CELF2: variants seen among roughly 807,000 people sequenced by gnomAD.
The protein encoded by CELF2 is CUGBP Elav-like family member 2.
A neutral mutation model predicts 62.6 loss-of-function variants in CELF2; 8 were observed. The ratio of observed to expected loss-of-function variants is 0.13; its 90% CI spans 0.07 to 0.23. The LOEUF (loss-of-function observed/expected upper bound fraction) is 0.23. CELF2 is among the 10% of genes least tolerant of loss of function. The probability of loss-of-function intolerance (pLI) is 1.00; values close to 1 mark genes in which losing one functional copy is unlikely to be tolerated. For missense variants in CELF2, 333 were observed against 671.0 expected (o/e 0.50, Z 5.56); for synonymous variants, 258 against 250.0 (o/e 1.03, Z -0.30).
chr10:10,648,978 T>C, the CELF2 span, among the ~76,000 whole-genome samples: 3 of 152,224 alleles, frequency 2.0e-5, no homozygotes, highest in African/African-American at 7.2e-5. Context: ...AAATGTTATG[T>C]GTTGCTCACC....
At chr10:11,279,795 C>T (rs537273802) in intron 8 of CELF2, among the ~76,000 whole-genome samples, 17 of 152,244 alleles carry the variant, frequency 1.1e-4, no homozygotes, top group South Asian at 6.2e-4. Context: ...CTGTTTGGTA[C>T]ATAATTTCTT....
chr10:10,744,152 C>T, the CELF2 span, among the ~76,000 whole-genome samples: 18 of 152,108 alleles, frequency 1.2e-4, no homozygotes, highest in East Asian at 1.9e-3. Context: ...CCCATGTATA[C>T]GAGTGCCAGT....
Position 11,242,232 on chromosome 10 carries a change from A to T in CELF2, c.355-6921A>T, listed in dbSNP as rs1216919518. Among the ~76,000 whole-genome samples the T allele has an allele frequency of 1.3e-5, 2 of 152,226 alleles. No homozygotes were observed. Among genetic ancestry groups the T allele is most frequent in the African/African-American group, 2.4e-5 (1 of 41,452 alleles). On this transcript the variant is annotated intron_variant, in intron 3 of 12. Coordinates refer to ENST00000633077, the MANE Select transcript of CELF2 (RefSeq NM_001326342.2). This position sits in a 1 kb window ranked among gnomAD's most constrained non-coding sequence, Gnocchi z 4.8. ...ACTCTGTAAAAACCCATTTCAGGTT[A>T]AAAATGGCATGTTTTATTGAATCTC...
chr10:11,142,500 C>T (rs2061516134), intron 1 of CELF2, among the ~76,000 whole-genome samples: 1 of 151,844 alleles, frequency 6.6e-6, no homozygotes, highest in African/African-American at 2.4e-5. Flanking sequence ...CTGGCTAACA[C>T]AGTGAAACCC....
the CELF2 span, among the ~76,000 whole-genome samples, chr10:10,465,972 GTGAGTATATGT>G: frequency 6.6e-6 from 1 of 152,132 alleles, no homozygotes; most frequent in Non-Finnish European, 1.5e-5. Context: ...CAACAGAATA[GTGAGTATATGT>G]TGAGAATGCT....
the CELF2 span, among the ~76,000 whole-genome samples, chr10:10,783,525 A>T: frequency 2.0e-5 from 3 of 152,214 alleles, no homozygotes; most frequent in African/African-American, 7.2e-5. Flanking sequence ...CAGAAGTATG[A>T]GACAATAAAA....
the CELF2 span, among the ~76,000 whole-genome samples, chr10:10,682,919 A>G: frequency 6.6e-6 from 1 of 152,140 alleles, no homozygotes; most frequent in Non-Finnish European, 1.5e-5. Flanking sequence ...GAATGGAAGC[A>G]GTCAGCTGTA....
chr10:10,729,313 TA>T, the CELF2 span, among the ~76,000 whole-genome samples: 2 of 152,342 alleles, frequency 1.3e-5, no homozygotes, highest in African/African-American at 4.8e-5. Context: ...TTAGTCATGG[TA>T]AGAGAAATAC....
intron 1 of CELF2, among the ~76,000 whole-genome samples, chr10:11,038,582 CTAT>C (rs886526222): frequency 7.5e-4 from 114 of 152,226 alleles, no homozygotes; most frequent in African/African-American, 2.5e-3. Context: ...GACAGGATTT[CTAT>C]TAATAATCAA....
At chr10:11,216,549 A>G (rs900694693) in intron 2 of CELF2, among the ~76,000 whole-genome samples, 79 of 152,234 alleles carry the variant, frequency 5.2e-4, no homozygotes, top group African/African-American at 1.8e-3. Flanking sequence ...GAGAAACTAT[A>G]TTGCTGAACA....
intron 2 of CELF2, among the ~76,000 whole-genome samples, chr10:11,202,931 C>CTG (rs2059569727): frequency 1.1e-5 from 1 of 91,644 alleles, no homozygotes; most frequent in African/African-American, 4.5e-5. Context: ...CTCTCTCTCT[C>CTG]TCTCTCTCTC....
chr10:10,581,171 A>G, the CELF2 span, among the ~76,000 whole-genome samples: 2 of 152,232 alleles, frequency 1.3e-5, no homozygotes, highest in Admixed American at 6.5e-5. Flanking sequence ...CAAGCTAACA[A>G]ATGAGTAGTA....
At chr10:10,488,319 G>T in the CELF2 span, among the ~76,000 whole-genome samples, 1 of 152,050 alleles carries the variant, frequency 6.6e-6, no homozygotes, top group South Asian at 2.1e-4. Flanking sequence ...TCAAATTCTA[G>T]GAGAGCTACT....
intron 2 of CELF2, among the ~76,000 whole-genome samples, chr10:11,173,067 C>A (rs1473711826): frequency 2.5e-5 from 2 of 78,994 alleles, no homozygotes; most frequent in African/African-American, 1.1e-4. Context: ...GTCTAGGCTG[C>A]CTGTCTAGGC....
chr10:11,201,701 T>C (rs993119600), intron 2 of CELF2, among the ~76,000 whole-genome samples: 35 of 152,338 alleles, frequency 2.3e-4, no homozygotes, highest in African/African-American at 6.0e-4. Context: ...TTTCCCAGGC[T>C]TCCTGGAGGA....
At chr10:11,125,642 G>C (rs1176862906) in intron 1 of CELF2, among the ~76,000 whole-genome samples, 1 of 152,102 alleles carries the variant, frequency 6.6e-6, no homozygotes. Context: ...CAGTGGTCCA[G>C]GGTTTATGCT....
intron 2 of CELF2, among the ~76,000 whole-genome samples, chr10:10,967,124 G>A (rs2050200732): frequency 6.6e-6 from 1 of 152,216 alleles, no homozygotes. Flanking sequence ...CGTGGTCAGA[G>A]GGTGTTTATG....
chr10:10,997,286 A>G lies in CELF2; in HGVS notation c.89+77287A>G, dbSNP rs1221960066. Among the ~76,000 whole-genome samples the G allele has an allele frequency of 6.6e-6, 1 of 152,226 alleles. No homozygotes were observed. Among genetic ancestry groups the G allele is most frequent in the Non-Finnish European group, 1.5e-5 (1 of 68,042 alleles). On this transcript the variant is annotated intron_variant, in intron 2 of 13. Transcript: ENST00000636488. This position sits in a 1 kb window ranked among gnomAD's most constrained non-coding sequence, Gnocchi z 5.3. ...CACTGCACTCTAGCCTGAGCAACAG[A>G]GCAAGACACCATCTCTGAAAAAGTA...
intron 3 of CELF2, among the ~76,000 whole-genome samples, chr10:11,240,043 A>T (rs2073224979): frequency 6.6e-6 from 1 of 152,070 alleles, no homozygotes; most frequent in African/African-American, 2.4e-5. Context: ...CAAGAGCAAA[A>T]CTCCATCTCA....
Sources: gnomAD v4.1 joint callset for allele counts (sites outside exome capture counted in the v4.1 genomes callset) on GRCh38, gnomAD v4.1.1 for gene constraint, Gnocchi (gnomAD v3.1) non-coding constraint, MANE v1.5 for transcripts, NCBI Gene and HGNC (gene_info 2026-07-23, HGNC 2026-07-21) for gene names.